Variants in UNC5D observed in about 807,000 individuals in gnomAD.
The protein encoded by UNC5D is netrin receptor UNC5D.
A neutral mutation model predicts 105.4 loss-of-function variants in UNC5D; 39 were observed. That is an observed-to-expected ratio of 0.37 (90% CI 0.29 to 0.48). The LOEUF (loss-of-function observed/expected upper bound fraction) is 0.48, where lower values mean the gene tolerates loss of function less well. Ranked by LOEUF, UNC5D falls within the 20% of genes least tolerant of loss-of-function variation. UNC5D has a pLI of 0.98. For missense variants in UNC5D, 991 were observed against 1,202.4 expected (o/e 0.82, Z 2.60); for synonymous variants, 452 against 450.4 (o/e 1.00, Z -0.04).
At chr8:35,519,423 G>T (rs1225808508) in intron 1 of UNC5D, among the ~76,000 whole-genome samples, 2 of 152,070 alleles carry the variant, frequency 1.3e-5, no homozygotes, top group East Asian at 3.9e-4. Context: ...ATGCGCATAA[G>T]CAGTACCGAG....
chr8:35,411,026 C>G (rs1805129891), intron 1 of UNC5D, among the ~76,000 whole-genome samples: 1 of 151,918 alleles, frequency 6.6e-6, no homozygotes, highest in African/African-American at 2.4e-5. Flanking sequence ...GCTAAGCCTC[C>G]CCTGTTGATA....
At chr8:35,627,112 T>C (rs1821737942) in intron 4 of UNC5D, among the ~76,000 whole-genome samples, 1 of 152,194 alleles carries the variant, frequency 6.6e-6, no homozygotes, top group African/African-American at 2.4e-5. Context: ...TAAGCACAAA[T>C]GTGAACAAAA....
chr8:35,705,674 G>A (rs1827527651), intron 7 of UNC5D, among the ~76,000 whole-genome samples: 1 of 151,984 alleles, frequency 6.6e-6, no homozygotes, highest in Non-Finnish European at 1.5e-5. Context: ...GCAACAGAGA[G>A]AAATGCTAGT....
rs192483926 is a variant in UNC5D at position 35,485,265 on chromosome 8, A to G, written c.104-64027A>G. Among the ~76,000 whole-genome samples the G allele has an allele frequency of 3.3e-5, 5 of 152,272 alleles. No homozygotes were observed. In the East Asian group the frequency reaches 9.7e-4, roughly 29 times the overall value. On this transcript the variant is annotated intron_variant, in intron 1 of 16. Transcript: ENST00000404895. ...TCTGCTGCTGAAGACCATACCAGTA[A>G]TAATTGTTCCTACATCTGCAGGACT... is the stretch of plus-strand genomic sequence containing the variant.
At position 35,734,782 on chromosome 8, in the gene UNC5D, A is replaced by ATTTTTTTTTT; in HGVS notation, c.1766+3695_1766+3704dup. On this transcript the variant is annotated intron_variant, in intron 11 of 16. Transcript: ENST00000404895. The stretch of plus-strand genomic sequence containing the variant: ...GGAAATTTTATTCTACACACTTTAA[A>ATTTTTTTTTT]TTTTTTTTTTTTTTTTTTGAGACGG... 9.1e-4 allele frequency among the ~76,000 whole-genome samples: 115 copies of ATTTTTTTTTT among 126,674 alleles called. 1 individual carries two copies. Among genetic ancestry groups the ATTTTTTTTTT allele is most frequent in the African/African-American group, 2.2e-3 (67 of 31,152 alleles). The allele number at this position is 126,674 out of a possible 152,430, so 83.1% of individuals were successfully genotyped here. A position where few individuals can be genotyped will look rare whatever the true frequency, so the allele number is the denominator to read the frequency against.
At chr8:35,401,758 G>GA (rs1313420651) in intron 1 of UNC5D, among the ~76,000 whole-genome samples, 8 of 151,946 alleles carry the variant, frequency 5.3e-5, no homozygotes, top group African/African-American at 1.4e-4. Flanking sequence ...ACAAATTAAA[G>GA]AAAAAAACAT....
chr8:35,273,663 T>C (rs1805576837), intron 1 of UNC5D, among the ~76,000 whole-genome samples: 1 of 152,196 alleles, frequency 6.6e-6, no homozygotes, highest in Non-Finnish European at 1.5e-5. Context: ...AGGAAAAAGA[T>C]ACTCATTTTA....
At chr8:35,479,223 G>T (rs1027483829) in intron 1 of UNC5D, among the ~76,000 whole-genome samples, 1 of 151,986 alleles carries the variant, frequency 6.6e-6, no homozygotes, top group Non-Finnish European at 1.5e-5. Flanking sequence ...CTAATAAATC[G>T]TTAGCCATTA....
chr8:35,747,934 A>G (rs1045645284), intron 11 of UNC5D, among the ~76,000 whole-genome samples: 7 of 152,230 alleles, frequency 4.6e-5, no homozygotes, highest in Admixed American at 3.9e-4. Context: ...GATATTATGC[A>G]CACTTGTAGC....
intron 14 of UNC5D, among the ~76,000 whole-genome samples, chr8:35,762,807 CAAGTT>C (rs1176268204): frequency 6.6e-6 from 1 of 152,124 alleles, no homozygotes; most frequent in Non-Finnish European, 1.5e-5. Context: ...AACACAAAGT[CAAGTT>C]GTCACCTCCC....
chr8:35,339,914 C>T (rs1017470184), intron 1 of UNC5D, among the ~76,000 whole-genome samples: 1 of 152,084 alleles, frequency 6.6e-6, no homozygotes, highest in African/African-American at 2.4e-5. Flanking sequence ...GTCCCAGGAG[C>T]CTGGGAACTT....
intron 1 of UNC5D, among the ~76,000 whole-genome samples, chr8:35,396,392 C>G (rs1029363365): frequency 6.6e-6 from 1 of 152,182 alleles, no homozygotes; most frequent in Admixed American, 6.5e-5. Flanking sequence ...AGAGTCACAC[C>G]GGGCGCACCT....
At chr8:35,238,237 CT>C (rs959941839) in intron 1 of UNC5D, among the ~76,000 whole-genome samples, 13 of 150,492 alleles carry the variant, frequency 8.6e-5, no homozygotes, top group East Asian at 5.8e-4. Flanking sequence ...ATTGCACCAA[CT>C]TTTTTTTTTC....
intron 1 of UNC5D, among the ~76,000 whole-genome samples, chr8:35,305,585 C>CTTTCTTTA (rs1563297717): frequency 3.2e-5 from 3 of 95,226 alleles, no homozygotes; most frequent in Non-Finnish European, 6.2e-5. Flanking sequence ...CTTTTTCTTT[C>CTTTCTTTA]TTTCTTTCTT....
chr8:35,413,950 G>C (rs1042134292), intron 1 of UNC5D, among the ~76,000 whole-genome samples: 3 of 152,138 alleles, frequency 2.0e-5, no homozygotes, highest in African/African-American at 7.2e-5. Flanking sequence ...CATCTTGAGG[G>C]CTTTTAAAAA....
At chr8:35,444,381 A>G (rs1263385919) in intron 1 of UNC5D, among the ~76,000 whole-genome samples, 2 of 152,126 alleles carry the variant, frequency 1.3e-5, no homozygotes, top group East Asian at 3.9e-4. Flanking sequence ...GAAAGTAATC[A>G]GCCTATTGCA....
At chr8:35,289,674 T>C (rs1480009826) in intron 1 of UNC5D, among the ~76,000 whole-genome samples, 2 of 152,188 alleles carry the variant, frequency 1.3e-5, no homozygotes, top group Non-Finnish European at 2.9e-5. Context: ...CCAAAATATA[T>C]AATGAACTCA....
At chr8:35,692,406 A>C (rs1331617887) in intron 7 of UNC5D, among the ~76,000 whole-genome samples, 1 of 152,198 alleles carries the variant, frequency 6.6e-6, no homozygotes, top group Non-Finnish European at 1.5e-5. Context: ...TAATTACCTG[A>C]GTTCCTTCCC....
chr8:35,593,409 T>C (rs1249083577), intron 3 of UNC5D, among the ~76,000 whole-genome samples: 1 of 152,036 alleles, frequency 6.6e-6, no homozygotes, highest in Non-Finnish European at 1.5e-5. Flanking sequence ...GAACAAAACT[T>C]CCTTCAGAAA....
Sources: gnomAD v4.1 joint callset for allele counts (sites outside exome capture counted in the v4.1 genomes callset) on GRCh38, gnomAD v4.1.1 for gene constraint, MANE v1.5 for transcripts, NCBI Gene and HGNC (gene_info 2026-07-23, HGNC 2026-07-21) for gene names.